The following RALYL variants were observed in gnomAD, a reference collection of about 807,000 sequenced individuals.
The protein encoded by RALYL is RALY RNA binding protein like.
In RALYL, 29 loss-of-function variants were observed where a neutral mutation model predicts 35.1. The observed-to-expected ratio is 0.83, with a 90% CI of 0.61 to 1.13. The LOEUF (loss-of-function observed/expected upper bound fraction) is 1.13, where lower values mean the gene tolerates loss of function less well. RALYL is among the 50% of genes most tolerant of loss of function. RALYL has a pLI of 0.00. For synonymous variants in RALYL, 120 were observed against 127.6 expected (o/e 0.94, Z 0.40); for missense variants, 359 against 360.4 (o/e 1.00, Z 0.03).
chr8:84,454,444 A>C (rs1468159421), intron 1 of RALYL, among the ~76,000 whole-genome samples: 1 of 152,072 alleles, frequency 6.6e-6, no homozygotes, highest in Non-Finnish European at 1.5e-5. Context: ...TTAAGGATCA[A>C]TGAGTTTAAG....
At chr8:84,696,229 T>G (rs2132237966) in intron 2 of RALYL, among the ~76,000 whole-genome samples, 1 of 151,874 alleles carries the variant, frequency 6.6e-6, no homozygotes, top group South Asian at 2.1e-4. Context: ...GGATCATATG[T>G]TAAATCCTAA....
intron 1 of RALYL, among the ~76,000 whole-genome samples, chr8:84,314,172 C>T (rs1204779492): frequency 6.6e-6 from 1 of 152,032 alleles, no homozygotes; most frequent in African/African-American, 2.4e-5. Flanking sequence ...CCTATCAGAA[C>T]TCCCTCATTA....
chr8:84,320,433 C>T (rs181275401), intron 1 of RALYL, among the ~76,000 whole-genome samples: 206 of 151,006 alleles, frequency 1.4e-3, no homozygotes, highest in African/African-American at 4.6e-3. Context: ...TGTGTATATA[C>T]ATGCACATAC....
At chr8:84,453,891 G>A (rs2049812541) in intron 1 of RALYL, among the ~76,000 whole-genome samples, 2 of 151,952 alleles carry the variant, frequency 1.3e-5, no homozygotes, top group Admixed American at 1.3e-4. Context: ...CTACCATTTT[G>A]CAAAATTGGG....
intron 2 of RALYL, among the ~76,000 whole-genome samples, chr8:84,702,850 G>A (rs1300717242): frequency 2.0e-5 from 3 of 152,140 alleles, no homozygotes; most frequent in East Asian, 3.9e-4. Context: ...CATTTTAAGT[G>A]TGGAGTATAA....
intron 1 of RALYL, among the ~76,000 whole-genome samples, chr8:84,211,436 C>T (rs574132685): frequency 6.6e-6 from 1 of 152,244 alleles, no homozygotes; most frequent in Non-Finnish European, 1.5e-5. Flanking sequence ...CAGCAACTTG[C>T]CCATCTTCTC....
intron 1 of RALYL, among the ~76,000 whole-genome samples, chr8:84,353,422 C>T (rs1399721217): frequency 6.6e-6 from 1 of 150,386 alleles, no homozygotes; most frequent in African/African-American, 2.5e-5. Flanking sequence ...CAGCAATATT[C>T]CCAGTGCATC....
intron 1 of RALYL, among the ~76,000 whole-genome samples, chr8:84,513,879 T>C (rs1455502358): frequency 1.3e-5 from 2 of 151,802 alleles, no homozygotes; most frequent in Non-Finnish European, 2.9e-5. Context: ...GTGGATCACT[T>C]GAGGTCAGGA....
intron 1 of RALYL, among the ~76,000 whole-genome samples, chr8:84,208,163 C>T (rs999863297): frequency 1.1e-4 from 16 of 151,972 alleles, no homozygotes; most frequent in Admixed American, 5.9e-4. Context: ...CAAGATTGAT[C>T]GGCTATATGA....
intron 1 of RALYL, among the ~76,000 whole-genome samples, chr8:84,295,553 G>C (rs1839600786): frequency 6.6e-6 from 1 of 152,012 alleles, no homozygotes; most frequent in African/African-American, 2.4e-5. Flanking sequence ...TCCTGTCTTG[G>C]CCTCCCAAAG....
chr8:84,299,623 T>G (rs190276512), intron 1 of RALYL, among the ~76,000 whole-genome samples: 250 of 152,138 alleles, frequency 1.6e-3, no homozygotes, highest in African/African-American at 5.8e-3. Context: ...GGTCGGCTTT[T>G]AATTATTGAT....
Position 84,475,386 on chromosome 8 carries a change from A to AT in RALYL, c.-23-53907dup, listed in dbSNP as rs1176600927. The stretch of plus-strand genomic sequence containing the variant: ...AGGTGCACATCACCATGCCCAGTTA[A>AT]TTTTTTGTAATTTATTGGAGACAGG... On this transcript the variant is annotated intron_variant, in intron 1 of 8. Transcript: ENST00000521268. 7.2e-5 allele frequency among the ~76,000 whole-genome samples: 11 copies of AT among 152,014 alleles called. No homozygotes were observed. The South Asian group carries it at 2.3e-3, about 32-fold the overall frequency.
chr8:84,724,357 A>C (rs1386353242), intron 2 of RALYL, among the ~76,000 whole-genome samples: 5 of 151,852 alleles, frequency 3.3e-5, no homozygotes, highest in African/African-American at 4.8e-5. Flanking sequence ...TGAATCATAA[A>C]TAATTCATCA....
At chr8:84,266,094 C>G (rs545436543) in intron 1 of RALYL, among the ~76,000 whole-genome samples, 3 of 152,288 alleles carry the variant, frequency 2.0e-5, no homozygotes, top group African/African-American at 7.2e-5. Context: ...ACTCTGCAGC[C>G]TGGTTTCAAC....
At chr8:84,344,276 A>G (rs1163341494) in intron 1 of RALYL, among the ~76,000 whole-genome samples, 2 of 152,096 alleles carry the variant, frequency 1.3e-5, no homozygotes, top group Non-Finnish European at 2.9e-5. Flanking sequence ...ATGCAAAAAA[A>G]TAGAAAATTT....
chr8:84,537,429 A>G (rs1251679581), intron 2 of RALYL, among the ~76,000 whole-genome samples: 1 of 151,248 alleles, frequency 6.6e-6, no homozygotes, highest in Admixed American at 6.6e-5. Flanking sequence ...GTGAGCTGTG[A>G]TCATGCCACT....
At chr8:84,324,029 C>G (rs958655373) in intron 1 of RALYL, among the ~76,000 whole-genome samples, 1 of 151,930 alleles carries the variant, frequency 6.6e-6, no homozygotes, top group Non-Finnish European at 1.5e-5. Flanking sequence ...GTATGTGAAA[C>G]AATAGAACTG....
At chr8:84,222,605 A>G (rs746684139) in intron 1 of RALYL, among the ~76,000 whole-genome samples, 6 of 152,174 alleles carry the variant, frequency 3.9e-5, no homozygotes, top group African/African-American at 1.4e-4. Context: ...AAGACGGCAC[A>G]TGACTGCCTG....
rs550664410 is a variant in RALYL at position 84,831,718 on chromosome 8, A to AGACT, written c.366-18261_366-18258dup. Among the ~76,000 whole-genome samples the AGACT allele has an allele frequency of 3.9e-3, 601 of 152,250 alleles. 6 individuals carry two copies. Among genetic ancestry groups the AGACT allele is most frequent in the African/African-American group, 0.014 (564 of 41,576 alleles). On this transcript the variant is annotated intron_variant, in intron 4 of 8. Coordinates refer to ENST00000521268, the MANE Select transcript of RALYL (RefSeq NM_173848.7). ...ATTTTGAATAATAGTAATAGGAGGGAGACTATCTCTTCTACAAATTCATGA... is the reference window on the plus strand; with the variant it reads ...ATTTTGAATAATAGTAATAGGAGGGAGACTGACTATCTCTTCTACAAATTCATGA...
Sources: allele counts gnomAD v4.1 joint callset (sites outside exome capture counted in the v4.1 genomes callset), GRCh38; gene constraint gnomAD v4.1.1; transcripts MANE v1.5; gene names NCBI Gene and HGNC (gene_info 2026-07-23, HGNC 2026-07-21).